DEFB104A: variants seen among roughly 807,000 people sequenced by gnomAD.
The protein encoded by DEFB104A is defensin beta 104A, also known as beta-defensin 104.
At chr8:7,837,671 C>A (rs1359377991) in intron 1 of DEFB104A, among the ~76,000 whole-genome samples, 1 of 143,754 alleles carries the variant, frequency 7.0e-6, no homozygotes, top group African/African-American at 2.7e-5. Flanking sequence ...GGTCAGGGAT[C>A]CCTCCAGATC....
At chr8:7,838,746 T>C (rs1267840444) in intron 1 of DEFB104A, among the ~76,000 whole-genome samples, 1 of 141,596 alleles carries the variant, frequency 7.1e-6, no homozygotes, top group African/African-American at 2.5e-5. Context: ...ATTGATGTAT[T>C]ATGTCTCCCT....
chr8:7,836,859 T>A (rs1484418750), intron 1 of DEFB104A, among the ~76,000 whole-genome samples: 1 of 141,744 alleles, frequency 7.1e-6, no homozygotes, highest in East Asian at 2.4e-4. Context: ...GAGGACTCAC[T>A]AGCCATGCTT....
intron 1 of DEFB104A, 98 bp from the exon 2 acceptor site, chr8:7,840,935 AC>A (rs1382408271): frequency 2.5e-5 from 41 of 1,613,260 alleles, no homozygotes; most frequent in Non-Finnish European, 3.5e-5. Flanking sequence ...ACCACCATGC[AC>A]TAGCATTCTC....
chr8:7,837,109 C>T (rs1298833653), intron 1 of DEFB104A, among the ~76,000 whole-genome samples: 1 of 140,966 alleles, frequency 7.1e-6, no homozygotes, highest in Non-Finnish European at 1.5e-5. Context: ...TTGAACTCTG[C>T]TCAGGAAATT....
chr8:7,838,781 G>A lies in DEFB104A; in HGVS notation c.58+2239G>A, dbSNP rs1408830950. The stretch of plus-strand genomic sequence containing the variant: ...TAAAATGTATAAAACCAAGCAAGCT[G>A]TATCACAACCACCTTGGGCACATGT... On this transcript the variant is annotated intron_variant, in intron 1 of 1. Coordinates refer to ENST00000314265, the MANE Select transcript of DEFB104A (RefSeq NM_080389.3). Among the ~76,000 whole-genome samples, 8 of 141,382 alleles carry A rather than the reference G, an allele frequency of 5.7e-5. 1 individual carries two copies. The highest frequency in any genetic ancestry group is 1.3e-4 in the Non-Finnish European group (8 of 62,526). 92.8% of individuals were successfully genotyped at this position (141,382 alleles called of 152,430 possible). A position where few individuals can be genotyped will look rare whatever the true frequency, so the allele number is the denominator to read the frequency against.
rs1188344573 is a variant in DEFB104A at position 7,837,467 on chromosome 8, AT to A, written c.58+933del. Among the ~76,000 whole-genome samples, 3 of 141,712 alleles carry A rather than the reference AT, an allele frequency of 2.1e-5. 1 individual carries two copies. Among genetic ancestry groups the A allele is most frequent in the East Asian group, 2.3e-4 (1 of 4,304 alleles). The allele number at this position is 141,712 out of a possible 152,430, so 93.0% of individuals were successfully genotyped here. On this transcript the variant is annotated intron_variant, in intron 1 of 1. Coordinates refer to ENST00000314265, the MANE Select transcript of DEFB104A (RefSeq NM_080389.3). The stretch of plus-strand genomic sequence containing the variant: ...CCACTGTGATTCAGATGGGTTAATG[AT>A]TTTTTTTCAGAGGGTACCTGTTTAG...
chr8:7,839,055 G>A (rs1313892038), intron 1 of DEFB104A, among the ~76,000 whole-genome samples: 2 of 143,206 alleles, frequency 1.4e-5, no homozygotes, highest in African/African-American at 5.0e-5. Flanking sequence ...TCTGTTTACT[G>A]AGACTGTAAG....
At chr8:7,837,412 C>T (rs1271011377) in intron 1 of DEFB104A, among the ~76,000 whole-genome samples, 1 of 142,696 alleles carries the variant, frequency 7.0e-6, no homozygotes, top group Non-Finnish European at 1.5e-5. Context: ...ACACCCAGCA[C>T]CCATCTTTTT....
chr8:7,838,701 CAAA>C (rs577769531), intron 1 of DEFB104A, among the ~76,000 whole-genome samples: 1 of 8,418 alleles, frequency 1.2e-4, no homozygotes, highest in Non-Finnish European at 7.5e-4. Context: ...AAAAAACAAA[CAAA>C]AAAAAAAACA....
intron 1 of DEFB104A, among the ~76,000 whole-genome samples, chr8:7,838,701 CA>C (rs577769531): frequency 8.3e-4 from 7 of 8,432 alleles, no homozygotes; most frequent in Admixed American, 2.3e-3. Flanking sequence ...AAAAAACAAA[CA>C]AAAAAAAAAA....
Position 7,837,545 on chromosome 8 carries a change from G to C in DEFB104A, c.58+1003G>C, listed in dbSNP as rs191798800. ...CGTGTCATTTCCCAAAGACACTTCT[G>C]TGAAATTCTGCTATGGGCATGTTCC... On this transcript the variant is annotated intron_variant, in intron 1 of 1. Coordinates refer to ENST00000314265, the MANE Select transcript of DEFB104A (RefSeq NM_080389.3). Among the ~76,000 whole-genome samples the C allele has an allele frequency of 2.8e-3, 398 of 140,530 alleles. 25 individuals are homozygous for C. Among genetic ancestry groups the C allele is most frequent in the African/African-American group, 9.9e-3 (368 of 37,332 alleles). 92.2% of individuals were successfully genotyped at this position (140,530 alleles called of 152,430 possible).
intron 1 of DEFB104A, among the ~76,000 whole-genome samples, chr8:7,839,271 C>T (rs1817710807): frequency 4.8e-5 from 7 of 144,736 alleles, no homozygotes; most frequent in Admixed American, 4.2e-4. Context: ...GCTTCGTTTT[C>T]CCTGAGCAAG....
Position 7,838,663 on chromosome 8 carries a change from G to C in DEFB104A, c.58+2121G>C, listed in dbSNP as rs570221568. Among the ~76,000 whole-genome samples, 3 of 144,408 alleles carry C rather than the reference G, an allele frequency of 2.1e-5. No individual in the cohort carries two copies. The Admixed American group carries it at 2.1e-4, about 10-fold the overall frequency. The allele number at this position is 144,408 out of a possible 152,430, so 94.7% of individuals were successfully genotyped here. Reference sequence around the variant, plus strand: ...CCATTGCACTCTACCCTAGGCGACAGAGCAAGACTCTGTCTCAAAAAAAAC... The same window carrying C: ...CCATTGCACTCTACCCTAGGCGACACAGCAAGACTCTGTCTCAAAAAAAAC... On this transcript the variant is annotated intron_variant, in intron 1 of 1. Transcript: ENST00000314265.
rs1322661792 is a variant in DEFB104A, at chr8:7,836,973, G to A, written c.58+431G>A. Reference sequence around the variant, plus strand: ...AACAGCTTTACTCTGCACAGAAAAGGGCGCCTACTCATCCTCCTAAATTTT... The same window carrying A: ...AACAGCTTTACTCTGCACAGAAAAGAGCGCCTACTCATCCTCCTAAATTTT... On this transcript the variant is annotated intron_variant, in intron 1 of 1. Coordinates refer to ENST00000314265, the MANE Select transcript of DEFB104A (RefSeq NM_080389.3). 9.8e-5 allele frequency among the ~76,000 whole-genome samples: 14 copies of A among 142,798 alleles called. 1 individual carries two copies. The highest frequency in any genetic ancestry group is 3.7e-4 in the African/African-American group (14 of 38,238). 93.7% of individuals were successfully genotyped at this position (142,798 alleles called of 152,430 possible). A position where few individuals can be genotyped will look rare whatever the true frequency, so the allele number is the denominator to read the frequency against.
chr8:7,838,693 A>AAAAC (rs1295880055), intron 1 of DEFB104A, among the ~76,000 whole-genome samples: 1,535 of 14,136 alleles, frequency 0.11, 74 homozygotes, highest in Middle Eastern at 0.12. Context: ...AAAAACCAAA[A>AAAAC]AAACAAACAA....
At chr8:7,839,781 G>C (rs1464364602) in intron 1 of DEFB104A, among the ~76,000 whole-genome samples, 2 of 134,034 alleles carry the variant, frequency 1.5e-5, no homozygotes, top group African/African-American at 5.3e-5. Context: ...TCTGCAAAGA[G>C]GTCCATTTGC....
chr8:7,839,454 C>G (rs1397174723), intron 1 of DEFB104A, among the ~76,000 whole-genome samples: 1 of 140,708 alleles, frequency 7.1e-6, no homozygotes, highest in Non-Finnish European at 1.6e-5. Flanking sequence ...CAAGGGCTTG[C>G]TTTTGAATGA....
At chr8:7,836,739 G>C (rs572456838) in intron 1 of DEFB104A, among the ~76,000 whole-genome samples, 197 bp downstream of exon 1, 2 of 146,102 alleles carry the variant, frequency 1.4e-5, no homozygotes, top group African/African-American at 5.2e-5. Flanking sequence ...TTACAGCCAC[G>C]AGGCTTACTA....
chr8:7,838,679 C>G (rs1817695884), intron 1 of DEFB104A, among the ~76,000 whole-genome samples: 1 of 84,140 alleles, frequency 1.2e-5, no homozygotes, highest in Non-Finnish European at 2.8e-5. Flanking sequence ...GACTCTGTCT[C>G]AAAAAAAACC....
Sources: gnomAD v4.1 joint callset for allele counts (sites outside exome capture counted in the v4.1 genomes callset) on GRCh38, gnomAD v4.1.1 for gene constraint, MANE v1.5 for transcripts, NCBI Gene and HGNC (gene_info 2026-07-23, HGNC 2026-07-21) for gene names.